ZNF446: variants seen among roughly 807,000 people sequenced by gnomAD.
The protein encoded by ZNF446 is zinc finger protein with KRAB and SCAN domains 20.
ZNF446 carries 42 observed loss-of-function variants against 34.0 expected under a neutral mutation model. The observed-to-expected ratio is 1.23, with a 90% CI of 0.96 to 1.60. The LOEUF is 1.60. Among genes scored for constraint, ZNF446 ranks in the 40% most tolerant of loss-of-function variants. The pLI, the probability that ZNF446 is intolerant of heterozygous loss-of-function variation, is 0.00. For synonymous variants in ZNF446, 315 were observed against 251.0 expected, an observed-to-expected ratio of 1.25 and a Z score of -2.41; for missense variants, 650 against 600.2, an observed-to-expected ratio of 1.08 and a Z score of -0.87.
the ZNF446 span, among the ~76,000 whole-genome samples, chr19:58,486,719 G>C: frequency 1.3e-5 from 2 of 149,064 alleles, no homozygotes; most frequent in Non-Finnish European, 3.0e-5. Context: ...TTTTTTTTTG[G>C]GGGGGGGCGG....
chr19:58,483,036 A>T (rs2053150583), downstream of ZNF446, among the ~76,000 whole-genome samples: 1 of 152,218 alleles, frequency 6.6e-6, no homozygotes, highest in Non-Finnish European at 1.5e-5. Context: ...CCCTAATTCA[A>T]CTGTCTCATG....
At position 58,480,702 on chromosome 19, in the gene ZNF446, G is replaced by A. The variant is rs2053133118; in HGVS notation, c.1329G>A (p.Lys443=). Reference sequence around the variant, plus strand: ...AGTCGCAGCTGGTCATCCACCGCAAGGGCCACCGGCCGGAGGTTCCATGAG... The same window carrying A: ...AGTCGCAGCTGGTCATCCACCGCAAAGGCCACCGGCCGGAGGTTCCATGAG... ...DWKSQLVIHR[K]GHRPEVP Residue 443 remains lysine, a synonymous_variant, in exon 7 of 7, where the codon AAG becomes AAA. Coordinates refer to ENST00000594369, the MANE Select transcript of ZNF446 (RefSeq NM_017908.4). This position sits in a 1 kb window ranked among gnomAD's most constrained non-coding sequence, Gnocchi z 7.2. 6.2e-6 allele frequency: 10 copies of A among 1,606,910 alleles called. No individual in the cohort carries two copies. The highest frequency in any genetic ancestry group is 7.6e-6 in the Non-Finnish European group (9 of 1,179,500).
intron 4 of ZNF446, 188 bp from the exon 5 acceptor site, chr19:58,479,455 C>CATTAAAA: frequency 1.8e-5 from 11 of 617,776 alleles, no homozygotes; most frequent in South Asian, 5.8e-5. Context: ...CTGGCAGCAG[C>CATTAAAA]ACTGGTCAGG....
At chr19:58,482,042 C>A (rs1253707232), downstream of ZNF446, among the ~76,000 whole-genome samples, 1 of 152,210 alleles carries the variant, frequency 6.6e-6, no homozygotes, top group Non-Finnish European at 1.5e-5. Context: ...GATCCACCCA[C>A]CTCGGCCTCC....
chr19:58,477,664 G>A lies in ZNF446; in HGVS notation c.370G>A (p.Val124Met). ...CACAGCCCATGTCCTGAAGCAGGAG[G>A]TGCTCCCTGCAGCCCAGAAGACAGA... ...WITAHVLKQEVLPAAQKTEEP... is the reference protein window; with the variant it reads ...WITAHVLKQEMLPAAQKTEEP... Residue 124 changes from valine (V) to methionine (M), a missense_variant, in exon 3 of 7, where the codon GTG becomes ATG. Physicochemically the swap from Val to Met is conservative, Grantham distance 21. Coordinates refer to ENST00000594369, the MANE Select transcript of ZNF446 (RefSeq NM_017908.4). 6.2e-7 allele frequency: 1 copy of A among 1,613,874 alleles called. No individual in the cohort carries two copies. The highest frequency in any genetic ancestry group is 2.2e-5 in the East Asian group (1 of 44,882).
downstream of ZNF446, among the ~76,000 whole-genome samples, chr19:58,482,726 G>A (rs1052438984): frequency 6.6e-5 from 10 of 152,154 alleles, no homozygotes; most frequent in South Asian, 4.1e-4. Flanking sequence ...GCAGGGCTCC[G>A]GAAGCAGGGC....
chr19:58,479,911 G>A lies in ZNF446; in HGVS notation c.713-19G>A, dbSNP rs1286552525. Reference sequence around the variant, plus strand: ...CTTCATGCAAACCCCATGCCTAACTGTGCCCCCCACCCGGGCAGGGTTACC... The same window carrying A: ...CTTCATGCAAACCCCATGCCTAACTATGCCCCCCACCCGGGCAGGGTTACC... On this transcript the variant is annotated intron_variant, in intron 5 of 6. Coordinates refer to ENST00000594369, the MANE Select transcript of ZNF446 (RefSeq NM_017908.4). 5 of 1,552,104 alleles carry A rather than the reference G, an allele frequency of 3.2e-6. No homozygotes were observed.
chr19:58,484,312 T>C (rs111730736), downstream of ZNF446, among the ~76,000 whole-genome samples: 190 of 143,726 alleles, frequency 1.3e-3, no homozygotes, highest in African/African-American at 4.5e-3. Context: ...TTAAAAAAAA[T>C]TTTTTTAGCT....
the ZNF446 span, among the ~76,000 whole-genome samples, chr19:58,488,398 G>A: frequency 2.0e-5 from 3 of 152,246 alleles, no homozygotes; most frequent in Non-Finnish European, 4.4e-5. Flanking sequence ...TGCCTTGCTC[G>A]TGGCCACACA....
chr19:58,487,536 C>T, the ZNF446 span, among the ~76,000 whole-genome samples: 400 of 152,252 alleles, frequency 2.6e-3, 2 homozygotes, highest in South Asian at 0.013. Flanking sequence ...AGTCCAGGCG[C>T]GGTGGCTCAC....
In ZNF446 at chr19:58,480,042, C is replaced by T; in HGVS notation, c.802+23C>T. Reference sequence around the variant, plus strand: ...CGGGTGAGTGCCCCACACCATCCAGCCTGAATCACCCCTCCTGTATCGGTG... The same window carrying T: ...CGGGTGAGTGCCCCACACCATCCAGTCTGAATCACCCCTCCTGTATCGGTG... On this transcript the variant is annotated intron_variant, in intron 6 of 6. Coordinates refer to ENST00000594369, the MANE Select transcript of ZNF446 (RefSeq NM_017908.4). The surrounding 1 kb of genome is among the most constrained non-coding windows in gnomAD (Gnocchi z 7.2). 1 of 1,570,766 alleles carries T rather than the reference C, an allele frequency of 6.4e-7. No homozygotes were observed. Among genetic ancestry groups the T allele is most frequent in the Non-Finnish European group, 8.6e-7 (1 of 1,163,660 alleles).
At chr19:58,483,631 C>T (rs909675205), downstream of ZNF446, 4 of 151,640 alleles carry the variant, frequency 2.6e-5, no homozygotes, top group Non-Finnish European at 5.9e-5. Flanking sequence ...GCCTGGGCAA[C>T]AGGATGAGAC....
chr19:58,481,553 C>T (rs1315546016), downstream of ZNF446, among the ~76,000 whole-genome samples: 1 of 152,274 alleles, frequency 6.6e-6, no homozygotes, highest in African/African-American at 2.4e-5. Flanking sequence ...ATGGGTACTT[C>T]TAGGTCAGGC....
chr19:58,487,638 G>A, the ZNF446 span, among the ~76,000 whole-genome samples: 5 of 151,282 alleles, frequency 3.3e-5, no homozygotes, highest in South Asian at 2.1e-4. Flanking sequence ...GTAAAACCCC[G>A]TCTCTACTAA....
chr19:58,486,717 T>TG, the ZNF446 span, among the ~76,000 whole-genome samples: 2,807 of 89,996 alleles, frequency 0.031, 41 homozygotes, highest in South Asian at 0.067. Context: ...CTTTTTTTTT[T>TG]GGGGGGGGGC....
the ZNF446 span, among the ~76,000 whole-genome samples, chr19:58,488,230 G>A: frequency 7.2e-6 from 1 of 138,540 alleles, no homozygotes; most frequent in Non-Finnish European, 1.6e-5. Context: ...TGCCTTGCTC[G>A]TGGCCACACA....
chr19:58,480,373 T>C lies in ZNF446; in HGVS notation c.1000T>C (p.Cys334Arg), dbSNP rs951972683. 6.2e-7 allele frequency: 1 copy of C among 1,609,246 alleles called. No individual in the cohort carries two copies. Among genetic ancestry groups the C allele is most frequent in the South Asian group, 1.1e-5 (1 of 90,362 alleles). ...PAATPRKPYT[C>R]EQCGRGFDWK... ...TGCCACCCCCAGGAAGCCCTACACG[T>C]GCGAGCAGTGTGGCCGCGGCTTCGA... The change falls in exon 7 of 7, where the codon TGC (cysteine) becomes CGC (arginine). Residue 334 changes from cysteine (C) to arginine (R), a missense_variant. Physicochemically the swap from Cys to Arg is radical, Grantham distance 180. Transcript: ENST00000594369. The surrounding 1 kb of genome is among the most constrained non-coding windows in gnomAD (Gnocchi z 7.2).
downstream of ZNF446, among the ~76,000 whole-genome samples, chr19:58,484,829 A>G (rs993326669): frequency 5.3e-5 from 8 of 151,994 alleles, no homozygotes; most frequent in African/African-American, 1.9e-4. Context: ...AGGCCAAGGC[A>G]GGGAGATTGC....
the ZNF446 span, among the ~76,000 whole-genome samples, chr19:58,487,365 C>G: frequency 6.6e-6 from 1 of 152,308 alleles, no homozygotes; most frequent in East Asian, 1.9e-4. Flanking sequence ...CTGTCCATCT[C>G]TGCCTCACGA....
Sources: allele counts gnomAD v4.1 joint callset (sites outside exome capture counted in the v4.1 genomes callset), GRCh38; gene constraint gnomAD v4.1.1; non-coding constraint Gnocchi (gnomAD v3.1); transcripts MANE v1.5; gene names NCBI Gene and HGNC (gene_info 2026-07-23, HGNC 2026-07-21).